GLI3: variants seen among roughly 807,000 people sequenced by gnomAD.
The protein encoded by GLI3 is transcription activator GLI3.
GLI3 carries 20 observed loss-of-function variants against 100.8 expected under a neutral mutation model. The ratio of observed to expected loss-of-function variants is 0.20; its 90% CI spans 0.14 to 0.29. GLI3 has a LOEUF of 0.29. Ranked by LOEUF, GLI3 falls within the 10% of genes least tolerant of loss-of-function variation. The pLI is 1.00. For missense variants in GLI3, 2,040 were observed against 2,128.5 expected, an observed-to-expected ratio of 0.96 and a Z score of 0.82; for synonymous variants, 938 against 860.5, an observed-to-expected ratio of 1.09 and a Z score of -1.58.
At chr7:42,069,448 T>C (rs372619447) in intron 4 of GLI3, among the ~76,000 whole-genome samples, 5 of 152,336 alleles carry the variant, frequency 3.3e-5, no homozygotes, top group Admixed American at 2.0e-4. Flanking sequence ...ACTATGTATG[T>C]AGGTGGCCTA....
intron 10 of GLI3, among the ~76,000 whole-genome samples, chr7:42,022,671 A>C (rs1255408013): frequency 6.6e-6 from 1 of 152,210 alleles, no homozygotes; most frequent in Non-Finnish European, 1.5e-5. Flanking sequence ...CCTCCACGTC[A>C]GCCAATCCTG....
chr7:42,201,994 A>G (rs1228179892), intron 2 of GLI3, among the ~76,000 whole-genome samples: 1 of 150,640 alleles, frequency 6.6e-6, no homozygotes, highest in Non-Finnish European at 1.5e-5. Context: ...AGGCAGGAGA[A>G]TCGCTTGAAC....
At chr7:42,182,644 GTATATATATATATATATATATATATATA>G (rs764864618) in intron 2 of GLI3, among the ~76,000 whole-genome samples, 2 of 51,694 alleles carry the variant, frequency 3.9e-5, no homozygotes, top group African/African-American at 2.6e-4. Context: ...ATATGTGTGT[GTATATATATATATATATATATATATATA>G]TATATATATA....
In GLI3 at chr7:42,223,301, G is replaced by C. The variant is rs1213651604; in HGVS notation, c.-42-6C>G. ...TCTCTTCGACCAAAAATGCCCTAAA[G>C]AAAACAACAGAGCCATCAACTTTCC... On this transcript the variant is annotated splice_polypyrimidine_tract_variant and splice_region_variant and intron_variant, in intron 1 of 14. Transcript: ENST00000395925. 20 of 1,466,604 alleles carry C rather than the reference G, an allele frequency of 1.4e-5. No individual in the cohort carries two copies. The highest frequency in any genetic ancestry group is 1.4e-5 in the Non-Finnish European group (15 of 1,074,546). 90.8% of individuals were successfully genotyped at this position (1,466,604 alleles called of 1,614,324 possible). A position where few individuals can be genotyped will look rare whatever the true frequency, so the allele number is the denominator to read the frequency against.
intron 1 of GLI3, among the ~76,000 whole-genome samples, chr7:42,257,499 C>A (rs1789097447): frequency 1.3e-5 from 2 of 152,066 alleles, no homozygotes; most frequent in Non-Finnish European, 2.9e-5. Context: ...TGCCCGCCAC[C>A]ACACGTGGCT....
chr7:42,241,606 T>A (rs1788925964), upstream of GLI3, among the ~76,000 whole-genome samples: 1 of 152,206 alleles, frequency 6.6e-6, no homozygotes, highest in South Asian at 2.1e-4. Context: ...CACGGGGCCC[T>A]TCTTGGGGTC....
chr7:42,156,934 T>C (rs1476301753), intron 2 of GLI3, among the ~76,000 whole-genome samples: 1 of 152,230 alleles, frequency 6.6e-6, no homozygotes, highest in Non-Finnish European at 1.5e-5. Flanking sequence ...TTGCATGTTT[T>C]TGTTTTTAGA....
chr7:42,105,968 C>T (rs1785565212), intron 3 of GLI3, among the ~76,000 whole-genome samples: 1 of 152,172 alleles, frequency 6.6e-6, no homozygotes, highest in Admixed American at 6.5e-5. Context: ...TCAGTACATA[C>T]CTCAATGATG....
chr7:42,027,671 C>G (rs1483328433), intron 7 of GLI3, among the ~76,000 whole-genome samples: 1 of 152,208 alleles, frequency 6.6e-6, no homozygotes, highest in Admixed American at 6.5e-5. Context: ...ACATTACTAT[C>G]ATTCCTGCAG....
At chr7:42,157,920 A>T (rs1161798689) in intron 2 of GLI3, among the ~76,000 whole-genome samples, 1 of 152,196 alleles carries the variant, frequency 6.6e-6, no homozygotes, top group Non-Finnish European at 1.5e-5. Flanking sequence ...CTGGTATAGG[A>T]CTTTAAAAGA....
At chr7:42,046,529 G>T (rs558981878) in intron 5 of GLI3, among the ~76,000 whole-genome samples, 1 of 152,146 alleles carries the variant, frequency 6.6e-6, no homozygotes, top group Non-Finnish European at 1.5e-5. Flanking sequence ...ATATTAACTG[G>T]ATTCTTGAGA....
At chr7:42,170,174 C>T (rs1472401024) in intron 2 of GLI3, among the ~76,000 whole-genome samples, 5 of 149,860 alleles carry the variant, frequency 3.3e-5, no homozygotes, top group Non-Finnish European at 5.9e-5. Flanking sequence ...ATCAGTTGAG[C>T]CCAGGAGGCA....
At chr7:42,113,990 A>G (rs1289913279) in intron 3 of GLI3, among the ~76,000 whole-genome samples, 3 of 152,180 alleles carry the variant, frequency 2.0e-5, no homozygotes, top group African/African-American at 7.2e-5. Flanking sequence ...ACCTTTCAGC[A>G]TAGGCTTAAC....
At chr7:42,062,598 A>ATTAGATG (rs3030352) in intron 4 of GLI3, among the ~76,000 whole-genome samples, 75,593 of 151,312 alleles carry the variant, frequency 0.5, 19,279 homozygotes, top group African/African-American at 0.58. Context: ...GTTCACAGCT[A>ATTAGATG]TTTTTATATT....
chr7:41,996,592 T>C (rs887622472), intron 10 of GLI3, among the ~76,000 whole-genome samples: 1 of 152,202 alleles, frequency 6.6e-6, no homozygotes, highest in Admixed American at 6.5e-5. Flanking sequence ...GGATTTGCCC[T>C]TAGGACATAA....
chr7:42,184,235 T>C (rs1313256986), intron 2 of GLI3, among the ~76,000 whole-genome samples: 1 of 152,190 alleles, frequency 6.6e-6, no homozygotes, highest in Non-Finnish European at 1.5e-5. Context: ...TCGTCTCTGC[T>C]CTGGCCAGTC....
At chr7:42,074,917 A>C (rs1399892202) in intron 4 of GLI3, among the ~76,000 whole-genome samples, 1 of 152,218 alleles carries the variant, frequency 6.6e-6, no homozygotes, top group East Asian at 1.9e-4. Context: ...TGGCTAAAAA[A>C]GCAGGAAGAA....
intron 10 of GLI3, among the ~76,000 whole-genome samples, chr7:42,001,912 G>A (rs1445505083): frequency 6.6e-6 from 1 of 152,026 alleles, no homozygotes; most frequent in African/African-American, 2.4e-5. Context: ...TGTTTGGGGG[G>A]CAAGGAGTGA....
chr7:42,188,695 G>T (rs1428503889), intron 2 of GLI3, among the ~76,000 whole-genome samples: 1 of 152,174 alleles, frequency 6.6e-6, no homozygotes, highest in African/African-American at 2.4e-5. Flanking sequence ...GTCATGAAAA[G>T]ACATGGAGGA....
Sources: allele counts gnomAD v4.1 joint callset (sites outside exome capture counted in the v4.1 genomes callset), GRCh38; gene constraint gnomAD v4.1.1; transcripts MANE v1.5; gene names NCBI Gene and HGNC (gene_info 2026-07-23, HGNC 2026-07-21).